Variants in HMCN1 observed in about 807,000 individuals in gnomAD.
HMCN1 encodes hemicentin-1.
In HMCN1, 321 loss-of-function variants were observed where a neutral mutation model predicts 625.9. The ratio of observed to expected loss-of-function variants is 0.51; its 90% CI spans 0.47 to 0.56. The LOEUF (loss-of-function observed/expected upper bound fraction) is 0.56, where lower values mean the gene tolerates loss of function less well. HMCN1 is among the 20% of genes least tolerant of loss of function. The pLI is 0.00. For synonymous variants in HMCN1, 2,425 were observed against 2,417.6 expected (o/e 1.00, Z -0.09); for missense variants, 6,588 against 6,887.3 (o/e 0.96, Z 1.54).
intron 1 of HMCN1, among the ~76,000 whole-genome samples, chr1:185,751,055 T>G (rs1402143155): frequency 1.3e-5 from 2 of 152,182 alleles, no homozygotes; most frequent in East Asian, 3.8e-4. Context: ...TTAGTCATTT[T>G]GTTTACATAG....
intron 14 of HMCN1, among the ~76,000 whole-genome samples, chr1:185,966,473 A>G (rs140708937): frequency 2.2e-4 from 33 of 152,276 alleles, no homozygotes; most frequent in African/African-American, 7.9e-4. Context: ...CTGTGATTCC[A>G]TAATAAAATA....
rs771512727 is a variant in HMCN1, at chr1:186,087,335, G to A, written c.9160+5G>A. On this transcript the variant is annotated splice_donor_5th_base_variant and intron_variant, in intron 59 of 106. Transcript: ENST00000271588. ...AGTTTTCCCTGACTGTTTATGGTTC[G>A]TTTTTACTCTCTTCATAAAATTCTT... is the stretch of plus-strand genomic sequence containing the variant. 22 of 1,607,654 alleles carry A rather than the reference G, an allele frequency of 1.4e-5. No homozygotes were observed. Among genetic ancestry groups the A allele is most frequent in the Admixed American group, 1.7e-5 (1 of 59,828 alleles).
intron 56 of HMCN1, among the ~76,000 whole-genome samples, chr1:186,081,991 T>A (rs1378620814): frequency 6.6e-6 from 1 of 152,160 alleles, no homozygotes; most frequent in Non-Finnish European, 1.5e-5. Flanking sequence ...CTTCAGTGTA[T>A]CCAACATAGG....
At chr1:186,108,377 T>A in intron 70 of HMCN1, 84 bp from the exon 71 acceptor site, 1 of 1,594,344 alleles carries the variant, frequency 6.3e-7, no homozygotes, top group Non-Finnish European at 8.6e-7. Context: ...TTATGCCTCT[T>A]ATTATTTCAT....
chr1:186,017,733 G>A (rs913360553), intron 33 of HMCN1, among the ~76,000 whole-genome samples: 3 of 151,984 alleles, frequency 2.0e-5, no homozygotes, highest in African/African-American at 7.2e-5. Flanking sequence ...AAACATTGAA[G>A]AGAGTAATAT....
chr1:186,130,207 C>A, intron 84 of HMCN1, 107 bp downstream of exon 84: 1 of 1,424,748 alleles, frequency 7.0e-7, no homozygotes, highest in East Asian at 2.4e-5. Flanking sequence ...GTTTTTAATC[C>A]ACTCAGTCCT....
chr1:186,165,064 C>A, intron 97 of HMCN1, 47 bp from the exon 98 acceptor site: 1 of 1,523,906 alleles, frequency 6.6e-7, no homozygotes, highest in Non-Finnish European at 9.1e-7. Flanking sequence ...AAGCCAGGGG[C>A]AACTATTCCA....
intron 1 of HMCN1, among the ~76,000 whole-genome samples, chr1:185,829,988 T>C (rs1660755970): frequency 1.3e-5 from 2 of 152,366 alleles, no homozygotes; most frequent in South Asian, 4.1e-4. Context: ...TGCATTTATC[T>C]GATGATTAGT....
intron 11 of HMCN1, among the ~76,000 whole-genome samples, chr1:185,956,229 CCAG>C (rs1486493764): frequency 2.0e-5 from 3 of 152,058 alleles, no homozygotes; most frequent in Admixed American, 6.6e-5. Context: ...AAGCAGTTCT[CCAG>C]CAGACACCAG....
intron 36 of HMCN1, among the ~76,000 whole-genome samples, chr1:186,036,718 G>A (rs1655851941): frequency 6.6e-6 from 1 of 151,752 alleles, no homozygotes; most frequent in South Asian, 2.1e-4. Context: ...ACCCTCCCAA[G>A]TAGCTGGGAT....
intron 29 of HMCN1, among the ~76,000 whole-genome samples, chr1:186,004,650 G>T (rs906742261): frequency 6.6e-6 from 1 of 152,088 alleles, no homozygotes; most frequent in South Asian, 2.1e-4. Flanking sequence ...GTTGACTAGA[G>T]TATGGGAAAG....
intron 1 of HMCN1, among the ~76,000 whole-genome samples, chr1:185,743,270 T>G (rs1438348803): frequency 6.6e-6 from 1 of 152,242 alleles, no homozygotes; most frequent in African/African-American, 2.4e-5. Flanking sequence ...CTGCCTTTCA[T>G]ATCTATGATT....
At chr1:186,027,208 C>G (rs1324479517) in intron 36 of HMCN1, among the ~76,000 whole-genome samples, 1 of 152,094 alleles carries the variant, frequency 6.6e-6, no homozygotes, top group Non-Finnish European at 1.5e-5. Context: ...TGGGGTTTTC[C>G]AGGGTGGGGA....
Position 186,154,137 on chromosome 1 carries a change from G to A in HMCN1, c.15256+150G>A, listed in dbSNP as rs543516700. On this transcript the variant is annotated intron_variant, in intron 97 of 106. Coordinates refer to ENST00000271588, the MANE Select transcript of HMCN1 (RefSeq NM_031935.3). ...GCCTTTTTGTTAAGTAAAGCCCTAT[G>A]GAAAAGCCAACCCAATTGGAGTTCT... The A allele has an allele frequency of 7.2e-6, 5 of 692,424 alleles. No homozygotes were observed. In the Admixed American group the frequency reaches 1.2e-4, roughly 17 times the overall value. The allele number at this position is 692,424 out of a possible 1,614,324, so 42.9% of individuals were successfully genotyped here.
intron 30 of HMCN1, among the ~76,000 whole-genome samples, chr1:186,009,962 C>T (rs956297387): frequency 2.0e-5 from 3 of 152,000 alleles, no homozygotes; most frequent in South Asian, 4.2e-4. Flanking sequence ...TGGATTCTCA[C>T]GAGAAGCCAG....
At chr1:186,034,091 T>G (rs558232668) in intron 36 of HMCN1, among the ~76,000 whole-genome samples, 33 of 152,326 alleles carry the variant, frequency 2.2e-4, no homozygotes, top group Non-Finnish European at 4.1e-4. Flanking sequence ...AATGTAATCA[T>G]AAGGATTATT....
At chr1:185,887,251 G>A (rs1571503730) in intron 4 of HMCN1, among the ~76,000 whole-genome samples, 1 of 151,932 alleles carries the variant, frequency 6.6e-6, no homozygotes, top group South Asian at 2.1e-4. Context: ...ATACTAAGCA[G>A]CAGTTTTTAA....
chr1:186,030,126 T>C (rs1655326737), intron 36 of HMCN1, among the ~76,000 whole-genome samples: 1 of 152,134 alleles, frequency 6.6e-6, no homozygotes, highest in Non-Finnish European at 1.5e-5. Context: ...CTTATAGTCT[T>C]ATATATAGTC....
intron 11 of HMCN1, among the ~76,000 whole-genome samples, chr1:185,944,534 G>A (rs936277825): frequency 6.6e-6 from 1 of 152,216 alleles, no homozygotes; most frequent in East Asian, 1.9e-4. Flanking sequence ...AGCATTGTGT[G>A]TAATCACAGC....
Sources: allele counts gnomAD v4.1 joint callset (sites outside exome capture counted in the v4.1 genomes callset), GRCh38; gene constraint gnomAD v4.1.1; transcripts MANE v1.5; gene names NCBI Gene and HGNC (gene_info 2026-07-23, HGNC 2026-07-21).